IMMP2L: variants seen among roughly 807,000 people sequenced by gnomAD.
IMMP2L encodes the protein mitochondrial inner membrane protease subunit 2.
IMMP2L carries 18 observed loss-of-function variants against 19.3 expected under a neutral mutation model. That is an observed-to-expected ratio of 0.93 (90% CI 0.64 to 1.38). IMMP2L has a LOEUF of 1.38. IMMP2L is among the 40% of genes most tolerant of loss of function. The pLI is 0.00. For synonymous variants in IMMP2L, 76 were observed against 73.0 expected (o/e 1.04, Z -0.21); for missense variants, 233 against 218.2 (o/e 1.07, Z -0.43).
chr7:110,841,422 C>T (rs555073513), intron 5 of IMMP2L, among the ~76,000 whole-genome samples: 82 of 151,652 alleles, frequency 5.4e-4, no homozygotes, highest in African/African-American at 1.2e-3. Context: ...AATCTATGCA[C>T]GAAAATTAAT....
chr7:110,876,679 T>A (rs1224393103), intron 5 of IMMP2L, among the ~76,000 whole-genome samples: 1 of 152,152 alleles, frequency 6.6e-6, no homozygotes, highest in Non-Finnish European at 1.5e-5. Flanking sequence ...TACTTCATAT[T>A]TTTATTACTA....
At chr7:111,143,172 A>T (rs2129599330) in intron 3 of IMMP2L, among the ~76,000 whole-genome samples, 1 of 152,336 alleles carries the variant, frequency 6.6e-6, no homozygotes, top group Admixed American at 6.5e-5. Context: ...TTATTACACA[A>T]TGAGAAGAAA....
chr7:111,479,310 A>G (rs761232049), intron 3 of IMMP2L, among the ~76,000 whole-genome samples: 1 of 151,760 alleles, frequency 6.6e-6, no homozygotes, highest in Non-Finnish European at 1.5e-5. Flanking sequence ...TAGTGCTCCA[A>G]TGCCTTTAGA....
chr7:111,487,963 G>A (rs528075049), intron 2 of IMMP2L, among the ~76,000 whole-genome samples: 1 of 152,138 alleles, frequency 6.6e-6, no homozygotes, highest in African/African-American at 2.4e-5. Context: ...TGTGCCTGAG[G>A]GTTAATGGAT....
chr7:110,789,753 T>C (rs1343313147), intron 5 of IMMP2L, among the ~76,000 whole-genome samples: 1 of 151,560 alleles, frequency 6.6e-6, no homozygotes, highest in African/African-American at 2.4e-5. Flanking sequence ...ACATGTTACA[T>C]CCTAGGCATA....
intron 5 of IMMP2L, among the ~76,000 whole-genome samples, chr7:110,679,652 G>A (rs1584482426): frequency 6.6e-6 from 1 of 152,082 alleles, no homozygotes; most frequent in East Asian, 1.9e-4. Flanking sequence ...TGTGGTGAAT[G>A]CAGCTATTCC....
chr7:111,167,961 G>C (rs1356719499), intron 3 of IMMP2L, among the ~76,000 whole-genome samples: 1 of 151,774 alleles, frequency 6.6e-6, no homozygotes, highest in African/African-American at 2.4e-5. Flanking sequence ...ACCAACCTAG[G>C]TGTTGTTTTG....
At chr7:110,888,425 G>C (rs892688449) in intron 4 of IMMP2L, among the ~76,000 whole-genome samples, 3 of 151,976 alleles carry the variant, frequency 2.0e-5, no homozygotes, top group Non-Finnish European at 4.4e-5. Flanking sequence ...TATTAAGCTG[G>C]GTATTCTGGA....
intron 4 of IMMP2L, among the ~76,000 whole-genome samples, chr7:110,922,270 C>T (rs1158638975): frequency 1.3e-5 from 2 of 152,156 alleles, no homozygotes; most frequent in African/African-American, 4.8e-5. Flanking sequence ...AAGAATTATG[C>T]ATACATCAGG....
At chr7:110,926,862 TTTAC>T (rs1310525498) in intron 4 of IMMP2L, among the ~76,000 whole-genome samples, 4 of 152,170 alleles carry the variant, frequency 2.6e-5, no homozygotes, top group African/African-American at 9.7e-5. Flanking sequence ...AAAAGTTTTA[TTTAC>T]TTGTTATCCC....
intron 3 of IMMP2L, among the ~76,000 whole-genome samples, chr7:111,323,187 G>A (rs1414091452): frequency 6.6e-6 from 1 of 151,660 alleles, no homozygotes; most frequent in African/African-American, 2.4e-5. Context: ...AGATCAAAAA[G>A]CTGGTTCTTT....
chr7:111,156,630 T>C (rs78142189), intron 3 of IMMP2L, among the ~76,000 whole-genome samples: 7,075 of 152,202 alleles, frequency 0.046, 207 homozygotes, highest in South Asian at 0.08. Context: ...AGCTTTGAAA[T>C]GTGTGCACAG....
chr7:111,493,180 A>G (rs1843253037), intron 2 of IMMP2L, among the ~76,000 whole-genome samples: 1 of 152,156 alleles, frequency 6.6e-6, no homozygotes, highest in Non-Finnish European at 1.5e-5. Context: ...GTGTCTCATC[A>G]AGTTAGGCAA....
intron 5 of IMMP2L, among the ~76,000 whole-genome samples, chr7:110,866,219 A>T (rs1807964193): frequency 6.6e-6 from 1 of 151,932 alleles, no homozygotes; most frequent in African/African-American, 2.4e-5. Context: ...TGGGGTGAAG[A>T]GAAGAAAAGA....
chr7:111,012,794 G>C (rs1421932862), intron 3 of IMMP2L, among the ~76,000 whole-genome samples: 1 of 152,122 alleles, frequency 6.6e-6, no homozygotes, highest in Non-Finnish European at 1.5e-5. Flanking sequence ...CTAACTTGCC[G>C]ATGAGGAAAT....
chr7:111,227,313 C>T (rs188315924), intron 3 of IMMP2L, among the ~76,000 whole-genome samples: 1 of 152,214 alleles, frequency 6.6e-6, no homozygotes, highest in East Asian at 1.9e-4. Context: ...ATTTCATTTG[C>T]TACCCGAAGT....
intron 5 of IMMP2L, among the ~76,000 whole-genome samples, chr7:110,787,556 T>C (rs535834885): frequency 3.9e-5 from 6 of 152,006 alleles, no homozygotes. Context: ...TTAAGTCTTC[T>C]GCTAATCCCC....
At chr7:111,102,304 T>C (rs1384964074) in intron 3 of IMMP2L, among the ~76,000 whole-genome samples, 2 of 151,412 alleles carry the variant, frequency 1.3e-5, no homozygotes, top group East Asian at 3.9e-4. Context: ...TTTTAATGCA[T>C]CATGATGACC....
At chr7:110,930,708 T>C (rs1423442639) in intron 4 of IMMP2L, among the ~76,000 whole-genome samples, 1 of 152,170 alleles carries the variant, frequency 6.6e-6, no homozygotes, top group Non-Finnish European at 1.5e-5. Flanking sequence ...AGAATTGCCA[T>C]CACATCACTG....
Sources: allele counts gnomAD v4.1 joint callset (sites outside exome capture counted in the v4.1 genomes callset), GRCh38; gene constraint gnomAD v4.1.1; transcripts MANE v1.5; gene names NCBI Gene and HGNC (gene_info 2026-07-23, HGNC 2026-07-21).